KIF15: variants seen among roughly 807,000 people sequenced by gnomAD.
KIF15 encodes the protein kinesin family member 15.
KIF15 carries 140 observed loss-of-function variants against 190.6 expected under a neutral mutation model. The observed-to-expected ratio is 0.73, with a 90% CI of 0.64 to 0.84. The LOEUF is 0.84. Ranked by LOEUF, KIF15 falls within the 40% of genes least tolerant of loss-of-function variation. The probability of loss-of-function intolerance (pLI) is 0.00; values close to 1 mark genes in which losing one functional copy is unlikely to be tolerated. For missense variants in KIF15, 1,372 were observed against 1,584.4 expected (o/e 0.87, Z 2.28); for synonymous variants, 528 against 551.3 (o/e 0.96, Z 0.59).
At chr3:44,805,483 A>C (rs1179022414) in intron 15 of KIF15, among the ~76,000 whole-genome samples, 1 of 152,250 alleles carries the variant, frequency 6.6e-6, no homozygotes, top group Non-Finnish European at 1.5e-5. Context: ...TAATATTCCT[A>C]CTTGATTCTC....
intron 24 of KIF15, among the ~76,000 whole-genome samples, chr3:44,829,671 A>T (rs1224347391): frequency 1.6e-5 from 2 of 128,384 alleles, no homozygotes; most frequent in Non-Finnish European, 3.1e-5. Context: ...TGTATATATA[A>T]TATATGTATA....
intron 6 of KIF15, among the ~76,000 whole-genome samples, chr3:44,866,894 T>C (rs1468018972): frequency 6.6e-6 from 1 of 152,218 alleles, no homozygotes; most frequent in East Asian, 1.9e-4. Flanking sequence ...ACATGTTTTG[T>C]ACTTGCTCTT....
chr3:44,829,904 TACCATTTAA>T, intron 24 of KIF15, 58 bp from the exon 25 acceptor site: 1 of 745,244 alleles, frequency 1.3e-6, no homozygotes, highest in Non-Finnish European at 2.0e-6. Context: ...ATAAGTGATT[TACCATTTAA>T]AAATTTTCTT....
At chr3:44,839,009 C>G (rs1262999772) in intron 27 of KIF15, among the ~76,000 whole-genome samples, 1 of 152,094 alleles carries the variant, frequency 6.6e-6, no homozygotes, top group African/African-American at 2.4e-5. Context: ...TTGTATTTTT[C>G]TCAGATGACT....
chr3:44,829,218 A>G (rs1273884134), intron 24 of KIF15, among the ~76,000 whole-genome samples: 11 of 146,240 alleles, frequency 7.5e-5, no homozygotes, highest in Admixed American at 7.0e-4. Flanking sequence ...TTAGCTGGGC[A>G]TGGTGGCAGG....
chr3:44,864,857 C>G (rs781254557), intron 6 of KIF15, among the ~76,000 whole-genome samples: 3 of 152,148 alleles, frequency 2.0e-5, no homozygotes, highest in Non-Finnish European at 4.4e-5. Context: ...GAGGTAGCCT[C>G]TCCACTCATG....
chr3:44,843,062 T>C (rs1297017745), intron 29 of KIF15, 63 bp from the exon 30 acceptor site: 2 of 1,201,444 alleles, frequency 1.7e-6, no homozygotes, highest in Non-Finnish European at 1.2e-6. Flanking sequence ...GTGGTGGCCT[T>C]GGGGAGCTAA....
intron 16 of KIF15, among the ~76,000 whole-genome samples, chr3:44,808,897 G>A (rs1707652400): frequency 6.6e-6 from 1 of 152,178 alleles, no homozygotes; most frequent in Non-Finnish European, 1.5e-5. Context: ...GATATGCCTT[G>A]GATCTTTCCA....
At chr3:44,776,423 TAA>T (rs771749089) in intron 3 of KIF15, among the ~76,000 whole-genome samples, 22 of 134,684 alleles carry the variant, frequency 1.6e-4, no homozygotes, top group Admixed American at 2.3e-4. Flanking sequence ...CTCTATCTCT[TAA>T]AAAAAAAAAA....
chr3:44,773,307 C>T (rs1705722675), intron 1 of KIF15, among the ~76,000 whole-genome samples: 1 of 152,170 alleles, frequency 6.6e-6, no homozygotes, highest in African/African-American at 2.4e-5. Flanking sequence ...GCTGTTTCTT[C>T]CCTGGGGCTT....
In KIF15 at chr3:44,852,284, A is replaced by C; in HGVS notation, c.4049A>C (p.His1350Pro). Reference protein sequence around the residue: ...NGKLVGHQNLHQKIQYVVRLK... With the variant: ...NGKLVGHQNLPQKIQYVVRLK... ...AAGTTGGTAGGTCACCAAAATTTGC[A>C]TCAGAAGATTCAGTACGTAGTGCGA... The change falls in exon 34 of 35, where the codon CAT (histidine) becomes CCT (proline). Residue 1350 changes from histidine to proline, a missense_variant. His to Pro is a moderately conservative substitution (Grantham distance 77). Transcript: ENST00000326047. The C allele has an allele frequency of 1.2e-6, 2 of 1,613,706 alleles. No homozygotes were observed. Among genetic ancestry groups the C allele is most frequent in the Non-Finnish European group, 1.7e-6 (2 of 1,179,674 alleles).
intron 7 of KIF15, among the ~76,000 whole-genome samples, chr3:44,790,209 ACTCT>A (rs750001779): frequency 2.9e-4 from 44 of 150,924 alleles, no homozygotes; most frequent in Admixed American, 5.9e-4. Context: ...ACGGAGTCTC[ACTCT>A]CTCTCCAAGG....
At chr3:44,766,272 G>A (rs889315075) in intron 1 of KIF15, among the ~76,000 whole-genome samples, 4 of 152,190 alleles carry the variant, frequency 2.6e-5, no homozygotes, top group Non-Finnish European at 5.9e-5. Context: ...TGGGGATGGG[G>A]ATAATGGCAG....
intron 1 of KIF15, among the ~76,000 whole-genome samples, chr3:44,763,493 G>A (rs1034336729): frequency 6.6e-6 from 1 of 151,866 alleles, no homozygotes; most frequent in East Asian, 1.9e-4. Context: ...GTAAAGCCGG[G>A]GTTTCACTGT....
In KIF15 at chr3:44,841,081, A is replaced by G. The variant is rs1360875110; in HGVS notation, c.3428A>G (p.Lys1143Arg). Residue 1143 changes from lysine to arginine, a missense_variant, in exon 29 of 35, where the codon AAG becomes AGG. Transcript: ENST00000326047. ...DSAAEDPQSP[K>R]TPPHFQTHLA... ...GATGTGATTTTATTTTAGAGTCCTA[A>G]GACACCACCTCACTTTCAAACACAT... The G allele has an allele frequency of 1.2e-6, 2 of 1,611,416 alleles. No homozygotes were observed. Among genetic ancestry groups the G allele is most frequent in the Non-Finnish European group, 8.5e-7 (1 of 1,178,846 alleles).
rs1480023956 is a variant in KIF15, at chr3:44,811,046, A to G, written c.2169+3A>G. The G allele has an allele frequency of 6.3e-7, 1 of 1,579,402 alleles. No individual in the cohort carries two copies. The highest frequency in any genetic ancestry group is 2.0e-5 in the Admixed American group (1 of 49,386). ...CTGAAGAGCTTAGAACAGTGCAGGT[A>G]ATGTTTTGTTCTAGAAAAAATAAAT... On this transcript the variant is annotated splice_donor_region_variant and intron_variant, in intron 17 of 34. Transcript: ENST00000326047.
intron 10 of KIF15, among the ~76,000 whole-genome samples, chr3:44,798,485 T>G (rs1443576289): frequency 6.6e-6 from 1 of 152,080 alleles, no homozygotes; most frequent in Non-Finnish European, 1.5e-5. Flanking sequence ...TAATTTTTTG[T>G]ATTTTTTAGT....
intron 26 of KIF15, among the ~76,000 whole-genome samples, chr3:44,832,885 C>T (rs1465497052): frequency 6.6e-6 from 1 of 151,576 alleles, no homozygotes; most frequent in African/African-American, 2.4e-5. Context: ...TGTGGTGGTG[C>T]GTGCCTGTAA....
chr3:44,833,375 A>G (rs781743034), intron 26 of KIF15, among the ~76,000 whole-genome samples: 6 of 152,022 alleles, frequency 3.9e-5, no homozygotes, highest in Non-Finnish European at 8.8e-5. Flanking sequence ...ATATAATAAA[A>G]TAGTTGTACA....
Sources: gnomAD v4.1 joint callset for allele counts (sites outside exome capture counted in the v4.1 genomes callset) on GRCh38, gnomAD v4.1.1 for gene constraint, MANE v1.5 for transcripts, NCBI Gene and HGNC (gene_info 2026-07-23, HGNC 2026-07-21) for gene names.